RAP1A: variants seen among roughly 807,000 people sequenced by gnomAD.
RAP1A encodes RAP1A, member of RAS oncogene family.
In RAP1A, 6 loss-of-function variants were observed where a neutral mutation model predicts 26.4. That is an observed-to-expected ratio of 0.23 (90% CI 0.12 to 0.45). The LOEUF is 0.45. RAP1A is among the 20% of genes least tolerant of loss of function. The pLI, the probability that RAP1A is intolerant of heterozygous loss-of-function variation, is 0.99. For missense variants in RAP1A, 121 were observed against 217.2 expected, an observed-to-expected ratio of 0.56 and a Z score of 2.78; for synonymous variants, 73 against 79.4, an observed-to-expected ratio of 0.92 and a Z score of 0.43.
chr1:111,647,274 T>C (rs1660100772), intron 1 of RAP1A, among the ~76,000 whole-genome samples: 1 of 152,156 alleles, frequency 6.6e-6, no homozygotes, highest in Non-Finnish European at 1.5e-5. Context: ...TGTTGCTGTC[T>C]CCCATCACCC....
chr1:111,557,423 G>A (rs1402237286), intron 1 of RAP1A, among the ~76,000 whole-genome samples: 2 of 151,804 alleles, frequency 1.3e-5, no homozygotes, highest in African/African-American at 2.4e-5. Flanking sequence ...GGTGGGACCC[G>A]CCTGTAGTCC....
chr1:111,645,464 C>T (rs1660035664), intron 1 of RAP1A, among the ~76,000 whole-genome samples: 2 of 152,138 alleles, frequency 1.3e-5, no homozygotes, highest in Admixed American at 1.3e-4. Context: ...GAAGTAGTGA[C>T]ATCAGTTATA....
At chr1:111,544,504 G>A (rs1571452717) in intron 1 of RAP1A, among the ~76,000 whole-genome samples, 1 of 152,034 alleles carries the variant, frequency 6.6e-6, no homozygotes, top group Admixed American at 6.6e-5. Context: ...ATGTTTTGAA[G>A]GTTCATCCAT....
intron 1 of RAP1A, among the ~76,000 whole-genome samples, chr1:111,551,881 G>C (rs571899429): frequency 6.6e-6 from 1 of 152,220 alleles, no homozygotes; most frequent in African/African-American, 2.4e-5. Flanking sequence ...TGTTTGCTCA[G>C]GTAAACTAGA....
chr1:111,572,052 T>C (rs965079352), intron 1 of RAP1A, among the ~76,000 whole-genome samples: 1 of 152,170 alleles, frequency 6.6e-6, no homozygotes, highest in South Asian at 2.1e-4. Flanking sequence ...GCTATTTCCA[T>C]ATGCAGAAGC....
At chr1:111,661,564 G>A (rs759528001) in intron 1 of RAP1A, among the ~76,000 whole-genome samples, 16 of 152,158 alleles carry the variant, frequency 1.1e-4, no homozygotes, top group Non-Finnish European at 2.2e-4. Flanking sequence ...ACTTTGGGAG[G>A]CTGAGGCGGG....
chr1:111,563,736 T>A (rs1657838337), intron 1 of RAP1A: 2 of 757,586 alleles, frequency 2.6e-6, no homozygotes, highest in East Asian at 5.0e-5. Context: ...GACAAAGCAT[T>A]GATTAAGTAG....
chr1:111,610,482 T>A lies in RAP1A; in HGVS notation c.-28+67973T>A, dbSNP rs527676493. On this transcript the variant is annotated intron_variant, in intron 1 of 7. Coordinates refer to the RAP1A transcript ENST00000356415. ...ACTAGTTACTGAAAGAAAAAGGACA[T>A]CTCCAGCTCCTTTTCTGGCCTTTCT... Among the ~76,000 whole-genome samples the A allele has an allele frequency of 2.6e-5, 4 of 151,590 alleles. No individual in the cohort carries two copies. The East Asian group carries it at 7.8e-4, about 29-fold the overall frequency.
intron 1 of RAP1A, among the ~76,000 whole-genome samples, chr1:111,578,606 G>C (rs901650935): frequency 6.6e-6 from 1 of 151,928 alleles, no homozygotes; most frequent in African/African-American, 2.4e-5. Context: ...GAAAAAAAAA[G>C]GTTTTTTCCT....
chr1:111,562,225 TC>T (rs1657770071), intron 1 of RAP1A, among the ~76,000 whole-genome samples: 1 of 152,092 alleles, frequency 6.6e-6, no homozygotes, highest in Non-Finnish European at 1.5e-5. Context: ...CACCACTTCT[TC>T]CCCTATGTTC....
At chr1:111,672,745 A>G (rs572368906) in intron 1 of RAP1A, among the ~76,000 whole-genome samples, 1 of 152,320 alleles carries the variant, frequency 6.6e-6, no homozygotes, top group Non-Finnish European at 1.5e-5. Flanking sequence ...CCCTGCCTGT[A>G]TTCAAGGAGA....
chr1:111,588,425 C>T (rs1012476931), intron 1 of RAP1A, among the ~76,000 whole-genome samples: 5 of 152,130 alleles, frequency 3.3e-5, no homozygotes, highest in African/African-American at 1.2e-4. Flanking sequence ...CATGTTTTTT[C>T]CCTGTTTAAA....
At chr1:111,699,502 C>T (rs1329761177) in intron 4 of RAP1A, among the ~76,000 whole-genome samples, 2 of 143,240 alleles carry the variant, frequency 1.4e-5, no homozygotes, top group African/African-American at 2.6e-5. Context: ...CTCTCTGTCA[C>T]CCAGGCTGGA....
chr1:111,617,317 T>A (rs1659033195), upstream of RAP1A, among the ~76,000 whole-genome samples: 1 of 152,206 alleles, frequency 6.6e-6, no homozygotes, highest in Admixed American at 6.5e-5. Flanking sequence ...AAACAGTGTG[T>A]GAATGCATTC....
intron 1 of RAP1A, chr1:111,649,058 C>A (rs1227523253): frequency 9.7e-6 from 6 of 617,156 alleles, no homozygotes; most frequent in Admixed American, 1.8e-5. Flanking sequence ...CAGACTGGCA[C>A]ATGGCCAGCT....
intron 1 of RAP1A, among the ~76,000 whole-genome samples, chr1:111,676,530 C>T (rs762538048): frequency 2.0e-5 from 3 of 151,658 alleles, no homozygotes; most frequent in East Asian, 1.9e-4. Context: ...CTCTCTTTCC[C>T]GCATTGAATT....
At chr1:111,576,162 G>A (rs957806223) in intron 1 of RAP1A, among the ~76,000 whole-genome samples, 1 of 152,124 alleles carries the variant, frequency 6.6e-6, no homozygotes, top group African/African-American at 2.4e-5. Context: ...GCAAATTCTG[G>A]TTCAGTGGGT....
intron 1 of RAP1A, among the ~76,000 whole-genome samples, chr1:111,653,886 G>A (rs1660364213): frequency 6.6e-6 from 1 of 152,068 alleles, no homozygotes; most frequent in Non-Finnish European, 1.5e-5. Flanking sequence ...CAGAGGATTT[G>A]GATAGATAGA....
chr1:111,546,840 T>C (rs1329982005), intron 1 of RAP1A, among the ~76,000 whole-genome samples: 1 of 152,182 alleles, frequency 6.6e-6, no homozygotes, highest in African/African-American at 2.4e-5. Context: ...TTTTGAGGAA[T>C]TGTCATATTG....
Sources: gnomAD v4.1 joint callset for allele counts (sites outside exome capture counted in the v4.1 genomes callset) on GRCh38, gnomAD v4.1.1 for gene constraint, MANE v1.5 for transcripts, NCBI Gene and HGNC (gene_info 2026-07-23, HGNC 2026-07-21) for gene names.